The following TENM3 variants were observed in gnomAD, a reference collection of about 807,000 sequenced individuals.
TENM3 encodes the protein teneurin-3.
Under a neutral mutation model 255.1 loss-of-function variants are expected in TENM3, and 63 were observed. The ratio of observed to expected loss-of-function variants is 0.25; its 90% CI spans 0.20 to 0.30. The LOEUF (loss-of-function observed/expected upper bound fraction) is 0.30. Among genes scored for constraint, TENM3 ranks in the 10% least tolerant of loss-of-function variants. The pLI is 1.00. For missense variants in TENM3, 2,929 were observed against 3,461.1 expected, an observed-to-expected ratio of 0.85 and a Z score of 3.86; for synonymous variants, 1,306 against 1,322.3, an observed-to-expected ratio of 0.99 and a Z score of 0.27.
chr4:181,981,499 CAA>C, the TENM3 span, among the ~76,000 whole-genome samples: 7 of 151,976 alleles, frequency 4.6e-5, no homozygotes, highest in Non-Finnish European at 1.0e-4. Flanking sequence ...GTATTAAAAA[CAA>C]GAGATTATAA....
chr4:182,767,642 T>C (rs1427872828), intron 22 of TENM3, among the ~76,000 whole-genome samples: 2 of 152,176 alleles, frequency 1.3e-5, no homozygotes, highest in Non-Finnish European at 2.9e-5. Context: ...GTATACTATA[T>C]ATACACATCA....
the TENM3 span, among the ~76,000 whole-genome samples, chr4:182,029,282 A>G: frequency 1.3e-5 from 2 of 152,096 alleles, no homozygotes; most frequent in African/African-American, 4.8e-5. Context: ...CCATGATCCA[A>G]TCACCTCTCA....
the TENM3 span, among the ~76,000 whole-genome samples, chr4:181,639,014 T>C: frequency 6.6e-6 from 1 of 152,306 alleles, no homozygotes; most frequent in Non-Finnish European, 1.5e-5. Flanking sequence ...AATTGTTAAA[T>C]AAAAGGGTGG....
At chr4:181,627,060 T>C in the TENM3 span, among the ~76,000 whole-genome samples, 2 of 152,152 alleles carry the variant, frequency 1.3e-5, no homozygotes, top group African/African-American at 4.8e-5. Context: ...ATGGAGATCT[T>C]ATCTGACTCT....
the TENM3 span, among the ~76,000 whole-genome samples, chr4:181,627,131 T>A: frequency 4.7e-4 from 71 of 152,290 alleles, no homozygotes; most frequent in African/African-American, 1.7e-3. Flanking sequence ...ACATTCCTAA[T>A]CTTCTAAGGC....
the TENM3 span, among the ~76,000 whole-genome samples, chr4:182,025,455 T>A: frequency 1.3e-5 from 2 of 152,334 alleles, no homozygotes; most frequent in East Asian, 3.9e-4. Flanking sequence ...TTGGCTATTG[T>A]GAACACTGCT....
intron 3 of TENM3, among the ~76,000 whole-genome samples, chr4:182,430,298 C>T (rs945772705): frequency 6.6e-5 from 10 of 152,202 alleles, no homozygotes; most frequent in African/African-American, 2.2e-4. Context: ...CCTGTAATCC[C>T]AGCACTTTAG....
At chr4:182,166,542 C>T (rs1293504773) in intron 1 of TENM3, among the ~76,000 whole-genome samples, 1 of 152,320 alleles carries the variant, frequency 6.6e-6, no homozygotes, top group East Asian at 1.9e-4. Flanking sequence ...CCCCAAACTA[C>T]ATCACATTTA....
At chr4:182,110,114 A>G in the TENM3 span, among the ~76,000 whole-genome samples, 1 of 6,922 alleles carries the variant, frequency 1.4e-4, no homozygotes, top group African/African-American at 3.3e-4. Flanking sequence ...ACTCTGTCTC[A>G]AAAAAAAAAA....
chr4:182,760,671 A>C (rs1763114288), intron 22 of TENM3, among the ~76,000 whole-genome samples: 1 of 152,176 alleles, frequency 6.6e-6, no homozygotes, highest in Non-Finnish European at 1.5e-5. Flanking sequence ...TTTACACATT[A>C]TGTAGGTATA....
the TENM3 span, among the ~76,000 whole-genome samples, chr4:182,003,815 T>C: frequency 6.6e-6 from 1 of 152,158 alleles, no homozygotes; most frequent in South Asian, 2.1e-4. Context: ...GTCTTATAGT[T>C]CTTTGAATTT....
At chr4:182,386,777 C>T (rs1464042964) in intron 3 of TENM3, among the ~76,000 whole-genome samples, 3 of 152,246 alleles carry the variant, frequency 2.0e-5, no homozygotes. Context: ...CGGGCCTTAG[C>T]TGCCTTCCCG....
chr4:181,541,064 C>A, the TENM3 span, among the ~76,000 whole-genome samples: 2 of 152,026 alleles, frequency 1.3e-5, no homozygotes, highest in African/African-American at 4.8e-5. Context: ...GTGAGAAATC[C>A]ATTTAAAGTA....
chr4:182,302,452 A>T (rs1017306442), intron 1 of TENM3, among the ~76,000 whole-genome samples: 2 of 152,212 alleles, frequency 1.3e-5, no homozygotes, highest in Admixed American at 1.3e-4. Context: ...CAACAGACGG[A>T]TCTACTTCGC....
At chr4:181,786,392 G>A in the TENM3 span, among the ~76,000 whole-genome samples, 1 of 152,174 alleles carries the variant, frequency 6.6e-6, no homozygotes, top group Non-Finnish European at 1.5e-5. Flanking sequence ...TATGAGCTCA[G>A]AGGGGGGCCA....
chr4:182,753,713 G>C, intron 21 of TENM3, 109 bp downstream of exon 21: 1 of 1,054,016 alleles, frequency 9.5e-7, no homozygotes, highest in Non-Finnish European at 1.4e-6. Context: ...ATGTGTTGCA[G>C]TGGTTCTGAT....
chr4:182,612,492 A>G (rs1749110976), intron 4 of TENM3, among the ~76,000 whole-genome samples: 1 of 152,190 alleles, frequency 6.6e-6, no homozygotes, highest in Non-Finnish European at 1.5e-5. Context: ...TGCGTAAAAT[A>G]TTATAAAAGC....
the TENM3 span, among the ~76,000 whole-genome samples, chr4:181,553,673 C>G: frequency 3.3e-5 from 5 of 152,182 alleles, 1 homozygote; most frequent in South Asian, 1.0e-3. Flanking sequence ...GATCTCCTGA[C>G]CTCGTGATCT....
the TENM3 span, among the ~76,000 whole-genome samples, chr4:181,970,758 G>C: frequency 6.6e-6 from 1 of 152,160 alleles, no homozygotes; most frequent in East Asian, 1.9e-4. Flanking sequence ...ACAATGGTAT[G>C]ACAGCAAGCC....
Sources: allele counts gnomAD v4.1 joint callset (sites outside exome capture counted in the v4.1 genomes callset), GRCh38; gene constraint gnomAD v4.1.1; transcripts MANE v1.5; gene names NCBI Gene and HGNC (gene_info 2026-07-23, HGNC 2026-07-21).